The following GALNTL6 variants were observed in gnomAD, a reference collection of about 807,000 sequenced individuals.
The protein encoded by GALNTL6 is polypeptide N-acetylgalactosaminyltransferase-like 6.
In GALNTL6, 46 loss-of-function variants were observed where a neutral mutation model predicts 73.7. The observed-to-expected ratio is 0.62, with a 90% confidence interval of 0.49 to 0.80. GALNTL6 has a LOEUF of 0.80. Ranked by LOEUF, GALNTL6 falls within the 30% of genes least tolerant of loss-of-function variation. The pLI is 0.00. For missense variants in GALNTL6, 604 were observed against 755.0 expected (o/e 0.80, Z 2.34); for synonymous variants, 259 against 263.7 (o/e 0.98, Z 0.17).
chr4:172,837,455 A>T (rs1219862694), intron 7 of GALNTL6, among the ~76,000 whole-genome samples: 2 of 152,230 alleles, frequency 1.3e-5, no homozygotes, highest in Non-Finnish European at 2.9e-5. Flanking sequence ...GAAGGTAAAA[A>T]ACAGTGAACA....
At position 172,354,044 on chromosome 4, in the gene GALNTL6, C is replaced by T. The variant is rs752342236; in HGVS notation, c.553+5355C>T. On this transcript the variant is annotated intron_variant, in intron 5 of 12. Transcript: ENST00000506823. ...ATCAGTGTGAAAAAGGTTGTAAAACCGAAGAAGAATGGTAGTGCCTTTTTA... is the reference window on the plus strand; with the variant it reads ...ATCAGTGTGAAAAAGGTTGTAAAACTGAAGAAGAATGGTAGTGCCTTTTTA... Among the ~76,000 whole-genome samples the T allele has an allele frequency of 3.1e-3, 472 of 151,936 alleles. 2 individuals are homozygous for T. Among genetic ancestry groups the T allele is most frequent in the African/African-American group, 6.5e-3 (268 of 41,476 alleles).
chr4:172,103,442 T>G (rs1426848168), intron 2 of GALNTL6, among the ~76,000 whole-genome samples: 2 of 152,202 alleles, frequency 1.3e-5, no homozygotes, highest in Non-Finnish European at 2.9e-5. Context: ...AATGGAACTA[T>G]ATATATATTT....
At chr4:171,857,962 A>C (rs192728626) in intron 2 of GALNTL6, among the ~76,000 whole-genome samples, 12 of 152,300 alleles carry the variant, frequency 7.9e-5, no homozygotes, top group Admixed American at 6.5e-5. Context: ...GCTCAATAAT[A>C]ATCACTGAAA....
At chr4:172,928,259 C>T (rs1017493182) in intron 8 of GALNTL6, among the ~76,000 whole-genome samples, 7 of 152,142 alleles carry the variant, frequency 4.6e-5, no homozygotes, top group African/African-American at 7.2e-5. Flanking sequence ...ATCAATTAAA[C>T]ACGTGGACAC....
At chr4:172,620,072 T>A (rs941644214) in intron 5 of GALNTL6, among the ~76,000 whole-genome samples, 1 of 152,196 alleles carries the variant, frequency 6.6e-6, no homozygotes, top group African/African-American at 2.4e-5. Context: ...ACTGTCACAG[T>A]TTTCATGTTT....
At chr4:171,877,649 G>T (rs1240770844) in intron 2 of GALNTL6, among the ~76,000 whole-genome samples, 1 of 151,946 alleles carries the variant, frequency 6.6e-6, no homozygotes, top group Non-Finnish European at 1.5e-5. Context: ...AAAAAATCAG[G>T]ATAACCCACT....
At chr4:172,297,178 A>G (rs1357796418) in intron 3 of GALNTL6, among the ~76,000 whole-genome samples, 1 of 152,118 alleles carries the variant, frequency 6.6e-6, no homozygotes, top group Non-Finnish European at 1.5e-5. Flanking sequence ...GAGTCTGTTC[A>G]TATCCTTCAC....
chr4:172,262,095 A>G (rs1422451659), intron 3 of GALNTL6, among the ~76,000 whole-genome samples: 1 of 151,404 alleles, frequency 6.6e-6, no homozygotes, highest in Non-Finnish European at 1.5e-5. Context: ...CTTAAAAAGA[A>G]AATGTATATC....
At chr4:172,828,649 C>T (rs2111046356) in intron 7 of GALNTL6, among the ~76,000 whole-genome samples, 1 of 152,254 alleles carries the variant, frequency 6.6e-6, no homozygotes, top group East Asian at 1.9e-4. Context: ...TATCCTCATC[C>T]ACAATCTAGA....
intron 5 of GALNTL6, among the ~76,000 whole-genome samples, chr4:172,748,955 G>A (rs1737270010): frequency 6.6e-6 from 1 of 151,798 alleles, no homozygotes; most frequent in South Asian, 2.1e-4. Flanking sequence ...TGTTGCCCAG[G>A]CTTGAGTGCA....
At chr4:172,763,045 C>A (rs565238596) in intron 5 of GALNTL6, among the ~76,000 whole-genome samples, 4 of 152,114 alleles carry the variant, frequency 2.6e-5, no homozygotes, top group Admixed American at 6.5e-5. Context: ...ACTTGAGTAG[C>A]ATATACATCA....
Position 171,924,091 on chromosome 4 carries a change from G to A in GALNTL6, c.138+109373G>A, listed in dbSNP as rs148601537. On this transcript the variant is annotated intron_variant, in intron 2 of 12. Coordinates refer to ENST00000506823, the MANE Select transcript of GALNTL6 (RefSeq NM_001034845.3). ...GATTGTAGATGCTCAGGATGTAGCA[G>A]TAGAAAAAATAGGCAAAATGGTCCC... Among the ~76,000 whole-genome samples, 78 of 151,356 alleles carry A rather than the reference G, an allele frequency of 5.2e-4. No homozygotes were observed. The East Asian group carries it at 0.015, about 29-fold the overall frequency.
intron 2 of GALNTL6, among the ~76,000 whole-genome samples, chr4:171,918,472 A>T (rs1560840460): frequency 6.6e-6 from 1 of 152,122 alleles, no homozygotes; most frequent in South Asian, 2.1e-4. Context: ...ACACTAAGTG[A>T]TATCAGATGG....
chr4:172,294,144 A>G (rs1414369742), intron 3 of GALNTL6, among the ~76,000 whole-genome samples: 4 of 151,974 alleles, frequency 2.6e-5, no homozygotes, highest in African/African-American at 9.7e-5. Flanking sequence ...AAAGAAATCA[A>G]TCAAAAGGCG....
intron 3 of GALNTL6, among the ~76,000 whole-genome samples, chr4:172,253,873 A>G (rs925768967): frequency 1.3e-5 from 2 of 151,938 alleles, no homozygotes; most frequent in Non-Finnish European, 2.9e-5. Context: ...GATAATTCCT[A>G]TAGGCATTGA....
chr4:172,444,332 A>G (rs1269332417), intron 5 of GALNTL6, among the ~76,000 whole-genome samples: 1 of 152,180 alleles, frequency 6.6e-6, no homozygotes, highest in Non-Finnish European at 1.5e-5. Context: ...TCTAAAAATG[A>G]TGTATTTATT....
At chr4:172,522,295 T>C (rs1030383143) in intron 5 of GALNTL6, among the ~76,000 whole-genome samples, 3 of 152,214 alleles carry the variant, frequency 2.0e-5, no homozygotes, top group African/African-American at 7.2e-5. Flanking sequence ...TTTATCAGGA[T>C]ACTTTTATAT....
intron 2 of GALNTL6, among the ~76,000 whole-genome samples, chr4:171,829,959 AGTC>A: frequency 6.6e-6 from 1 of 152,172 alleles, no homozygotes; most frequent in African/African-American, 2.4e-5. Context: ...TTCAATCACA[AGTC>A]TTCTTACAAA....
chr4:172,586,262 G>C (rs1038823316), intron 5 of GALNTL6, among the ~76,000 whole-genome samples: 12 of 152,172 alleles, frequency 7.9e-5, no homozygotes, highest in African/African-American at 2.9e-4. Context: ...ATAAAGGAAA[G>C]AGAATACCTT....
Sources: gnomAD v4.1 joint callset for allele counts (sites outside exome capture counted in the v4.1 genomes callset) on GRCh38, gnomAD v4.1.1 for gene constraint, MANE v1.5 for transcripts, NCBI Gene and HGNC (gene_info 2026-07-23, HGNC 2026-07-21) for gene names.